The following MALRD1 variants were observed in gnomAD, a reference collection of about 807,000 sequenced individuals.
MALRD1 encodes MAM and LDL receptor class A domain containing 1, also known as MAM and LDL-receptor class A domain-containing protein 1.
In MALRD1, 247 loss-of-function variants were observed where a neutral mutation model predicts 242.1. That is an observed-to-expected ratio of 1.02 (90% CI 0.92 to 1.13). The LOEUF (loss-of-function observed/expected upper bound fraction) is 1.13. MALRD1 is among the 50% of genes most tolerant of loss of function. The pLI, the probability that MALRD1 is intolerant of heterozygous loss-of-function variation, is 0.00. For synonymous variants in MALRD1, 995 were observed against 866.6 expected, an observed-to-expected ratio of 1.15 and a Z score of -2.60; for missense variants, 2,989 against 2,533.1, an observed-to-expected ratio of 1.18 and a Z score of -3.86.
At chr10:19,363,954 A>G (rs1242904090) in intron 26 of MALRD1, among the ~76,000 whole-genome samples, 2 of 152,148 alleles carry the variant, frequency 1.3e-5, no homozygotes, top group East Asian at 3.9e-4. Flanking sequence ...GCAGTAAAAA[A>G]GAGACAGAGT....
chr10:19,583,381 A>G (rs1837227540), intron 33 of MALRD1, among the ~76,000 whole-genome samples: 1 of 150,842 alleles, frequency 6.6e-6, no homozygotes, highest in Non-Finnish European at 1.5e-5. Context: ...AGCTCTTATT[A>G]TTTTGAGATA....
intron 1 of MALRD1, among the ~76,000 whole-genome samples, 193 bp downstream of exon 1, chr10:19,049,330 A>G (rs943088590): frequency 8.5e-5 from 13 of 152,192 alleles, no homozygotes; most frequent in African/African-American, 3.1e-4. Context: ...TTATCAAATC[A>G]TGAAGATATT....
chr10:19,389,921 C>G (rs1291340829), intron 28 of MALRD1, among the ~76,000 whole-genome samples: 1 of 152,164 alleles, frequency 6.6e-6, no homozygotes, highest in African/African-American at 2.4e-5. Flanking sequence ...TTCAACCTCT[C>G]AAAGTGCTGG....
intron 38 of MALRD1, among the ~76,000 whole-genome samples, chr10:19,703,098 A>G (rs1833696554): frequency 6.6e-6 from 1 of 152,222 alleles, no homozygotes; most frequent in South Asian, 2.1e-4. Flanking sequence ...ATTACAGGGG[A>G]AAAAAAGCAA....
At position 19,567,631 on chromosome 10, in the gene MALRD1, G is replaced by C. The variant is rs760691404; in HGVS notation, c.5608G>C (p.Asp1870His). 1.3e-6 allele frequency: 2 copies of C among 1,550,692 alleles called. No individual in the cohort carries two copies. The highest frequency in any genetic ancestry group is 1.7e-6 in the Non-Finnish European group (2 of 1,146,964). ...TCCGTTTAAGGTGGCATTTGAAGCT[G>C]ATTTGGATGGAAATGAGGACATCTT... ...NSPFKVAFEA[D>H]LDGNEDIFIA... is the part of the protein sequence containing the mutation. The change falls in exon 33 of 40, where the codon GAT becomes CAT. Residue 1870 changes from aspartate to histidine, a missense_variant. Physicochemically the swap from Asp to His is moderately conservative, Grantham distance 81. Coordinates refer to ENST00000454679, the MANE Select transcript of MALRD1 (RefSeq NM_001142308.3).
intron 36 of MALRD1, among the ~76,000 whole-genome samples, chr10:19,626,605 T>C (rs924500156): frequency 5.9e-5 from 9 of 151,980 alleles, no homozygotes; most frequent in Non-Finnish European, 1.3e-4. Context: ...GGCTCCATTC[T>C]GAAACAGCAG....
At chr10:19,101,665 C>A (rs10740843) in intron 4 of MALRD1, among the ~76,000 whole-genome samples, 72,147 of 132,904 alleles carry the variant, frequency 0.54, 19,649 homozygotes, top group Middle Eastern at 0.64. Context: ...ATAGGTACAT[C>A]TATGTATATA....
intron 7 of MALRD1, 46 bp from the exon 8 acceptor site, chr10:19,128,175 A>T: frequency 8.4e-7 from 1 of 1,191,966 alleles, no homozygotes; most frequent in Non-Finnish European, 1.1e-6. Flanking sequence ...AGACAGAAAG[A>T]AGCTAATGTT....
rs1212238218 is a variant in MALRD1 at position 19,432,244 on chromosome 10, T to C, written c.4846-18063T>C. Among the ~76,000 whole-genome samples, 5 of 152,212 alleles carry C rather than the reference T, an allele frequency of 3.3e-5. 1 individual carries two copies. Among genetic ancestry groups the C allele is most frequent in the African/African-American group, 1.2e-4 (5 of 41,456 alleles). Reference sequence around the variant, plus strand: ...TTACTCTTTTTTGTGTTACGTAAGATTGAGAACAATGATAGTATGCCTCAG... The same window carrying C: ...TTACTCTTTTTTGTGTTACGTAAGACTGAGAACAATGATAGTATGCCTCAG... On this transcript the variant is annotated intron_variant, in intron 28 of 39. Transcript: ENST00000454679.
intron 21 of MALRD1, among the ~76,000 whole-genome samples, chr10:19,305,937 AACTAT>A (rs1009342672): frequency 7.9e-6 from 1 of 127,118 alleles, no homozygotes; most frequent in Non-Finnish European, 1.6e-5. Flanking sequence ...GTACTATGTA[AACTAT>A]ACTATATATT....
chr10:19,126,136 G>A (rs1837275909), intron 7 of MALRD1, among the ~76,000 whole-genome samples: 1 of 151,902 alleles, frequency 6.6e-6, no homozygotes, highest in South Asian at 2.1e-4. Flanking sequence ...AAGTCTGAGT[G>A]CATGTAATGG....
chr10:19,523,069 T>C (rs1833950864), intron 31 of MALRD1, among the ~76,000 whole-genome samples: 1 of 152,190 alleles, frequency 6.6e-6, no homozygotes, highest in Non-Finnish European at 1.5e-5. Context: ...CTAAGTACTT[T>C]ACATGTAGTA....
chr10:19,459,446 T>A (rs1835825866), intron 29 of MALRD1, among the ~76,000 whole-genome samples: 1 of 152,116 alleles, frequency 6.6e-6, no homozygotes. Flanking sequence ...GAGACTTCAT[T>A]GCCATGATCA....
intron 11 of MALRD1, among the ~76,000 whole-genome samples, chr10:19,153,540 A>T (rs1304599756): frequency 6.6e-6 from 1 of 152,086 alleles, no homozygotes; most frequent in African/African-American, 2.4e-5. Context: ...AAAAAAATTT[A>T]AAAATTTGCT....
chr10:19,247,785 CTT>C (rs1326861596), intron 18 of MALRD1, among the ~76,000 whole-genome samples: 1 of 151,890 alleles, frequency 6.6e-6, no homozygotes, highest in African/African-American at 2.4e-5. Context: ...AATACTATAA[CTT>C]TTAAAGAACA....
intron 36 of MALRD1, among the ~76,000 whole-genome samples, chr10:19,656,700 G>A (rs1482873903): frequency 6.6e-6 from 1 of 152,044 alleles, no homozygotes; most frequent in Non-Finnish European, 1.5e-5. Context: ...ACATTTCTCA[G>A]CTGTATACCT....
chr10:19,618,470 T>C (rs1311784032), intron 36 of MALRD1, among the ~76,000 whole-genome samples: 1 of 152,088 alleles, frequency 6.6e-6, no homozygotes, highest in African/African-American at 2.4e-5. Flanking sequence ...GTGTTCCTTT[T>C]TCTCCACAAC....
chr10:19,055,061 T>C (rs948477964), intron 1 of MALRD1, among the ~76,000 whole-genome samples: 3 of 152,246 alleles, frequency 2.0e-5, no homozygotes, highest in East Asian at 1.9e-4. Flanking sequence ...CCAGCACTTG[T>C]TGTCTTTCAT....
At chr10:19,383,118 TGGG>T (rs1348087919) in intron 26 of MALRD1, among the ~76,000 whole-genome samples, 1 of 152,126 alleles carries the variant, frequency 6.6e-6, no homozygotes, top group African/African-American at 2.4e-5. Context: ...TTGCATATCA[TGGG>T]GGTTTGGTGT....
Sources: gnomAD v4.1 joint callset for allele counts (sites outside exome capture counted in the v4.1 genomes callset) on GRCh38, gnomAD v4.1.1 for gene constraint, MANE v1.5 for transcripts, NCBI Gene and HGNC (gene_info 2026-07-23, HGNC 2026-07-21) for gene names.